Variants in ELMO1 observed in about 807,000 individuals in gnomAD.
ELMO1 encodes engulfment and cell motility protein 1.
A neutral mutation model predicts 98.9 loss-of-function variants in ELMO1; 26 were observed. That is an observed-to-expected ratio of 0.26 (90% confidence interval 0.19 to 0.36). The LOEUF (loss-of-function observed/expected upper bound fraction) is 0.36. Among genes scored for constraint, ELMO1 ranks in the 10% least tolerant of loss-of-function variants. The pLI, the probability that ELMO1 is intolerant of heterozygous loss-of-function variation, is 1.00. For synonymous variants in ELMO1, 346 were observed against 346.0 expected (o/e 1.00, Z 0.00); for missense variants, 627 against 935.2 (o/e 0.67, Z 4.30).
At chr7:37,235,495 T>G (rs963054194) in intron 7 of ELMO1, among the ~76,000 whole-genome samples, 18 of 151,102 alleles carry the variant, frequency 1.2e-4, no homozygotes, top group African/African-American at 4.3e-4. Context: ...TTAAAAGACC[T>G]CAAATGTCAA....
At chr7:37,137,241 G>C (rs899321028) in intron 13 of ELMO1, among the ~76,000 whole-genome samples, 1 of 152,146 alleles carries the variant, frequency 6.6e-6, no homozygotes, top group African/African-American at 2.4e-5. Flanking sequence ...AAATATATAT[G>C]CATCTAACAC....
intron 16 of ELMO1, among the ~76,000 whole-genome samples, chr7:36,982,732 G>GTC (rs1378491546): frequency 6.6e-6 from 1 of 152,178 alleles, no homozygotes; most frequent in Non-Finnish European, 1.5e-5. Context: ...ATCTAGATAA[G>GTC]ATGAATAGCT....
chr7:37,071,196 CAAAG>C (rs1281326599), intron 15 of ELMO1, among the ~76,000 whole-genome samples: 1 of 152,032 alleles, frequency 6.6e-6, no homozygotes, highest in Non-Finnish European at 1.5e-5. Flanking sequence ...ACAAAAGAAA[CAAAG>C]AAAACTGAAT....
chr7:36,928,179 G>A (rs963498086), intron 16 of ELMO1, among the ~76,000 whole-genome samples: 4 of 152,170 alleles, frequency 2.6e-5, no homozygotes, highest in African/African-American at 4.8e-5. Flanking sequence ...CAGGATTAAC[G>A]CCCGGATTCG....
intron 1 of ELMO1, among the ~76,000 whole-genome samples, chr7:37,367,949 G>A (rs10233634): frequency 0.17 from 26,024 of 152,028 alleles, 2,856 homozygotes; most frequent in East Asian, 0.59. Context: ...TTCTGCTATC[G>A]CCAAACAGGA....
intron 13 of ELMO1, among the ~76,000 whole-genome samples, chr7:37,146,329 G>A (rs1236644335): frequency 1.3e-5 from 2 of 152,122 alleles, no homozygotes; most frequent in Non-Finnish European, 2.9e-5. Flanking sequence ...AGGTGCTGCC[G>A]ATGGCTTCTG....
intron 13 of ELMO1, among the ~76,000 whole-genome samples, chr7:37,193,933 C>T (rs1339010294): frequency 6.6e-6 from 1 of 152,168 alleles, no homozygotes; most frequent in Admixed American, 6.5e-5. Flanking sequence ...ATGATCTCAC[C>T]CGGTGCTGCC....
chr7:37,324,463 GA>G (rs1295839804), intron 2 of ELMO1, among the ~76,000 whole-genome samples: 2 of 152,222 alleles, frequency 1.3e-5, no homozygotes, highest in African/African-American at 4.8e-5. Flanking sequence ...ATGACATGGG[GA>G]AAATGTTCAT....
chr7:37,248,896 A>T (rs1584870087), intron 6 of ELMO1, among the ~76,000 whole-genome samples: 1 of 152,244 alleles, frequency 6.6e-6, no homozygotes, highest in Non-Finnish European at 1.5e-5. Context: ...CAAAGTTTCA[A>T]AACAGAAATT....
intron 15 of ELMO1, among the ~76,000 whole-genome samples, chr7:37,090,675 G>A (rs978482109): frequency 3.9e-5 from 6 of 152,130 alleles, no homozygotes; most frequent in Admixed American, 6.6e-5. Flanking sequence ...TGAACCCCAC[G>A]TGCAGGTATC....
chr7:37,084,371 C>T (rs563678344), intron 15 of ELMO1, among the ~76,000 whole-genome samples: 1 of 152,316 alleles, frequency 6.6e-6, no homozygotes, highest in East Asian at 1.9e-4. Flanking sequence ...GCAACAAACG[C>T]TTATTAAATG....
At chr7:37,043,339 G>A (rs1468031270) in intron 15 of ELMO1, among the ~76,000 whole-genome samples, 1 of 152,164 alleles carries the variant, frequency 6.6e-6, no homozygotes, top group East Asian at 1.9e-4. Context: ...TCTTATTAAA[G>A]GCTGCCAGGC....
intron 15 of ELMO1, among the ~76,000 whole-genome samples, chr7:37,083,037 G>C (rs1296814349): frequency 2.6e-5 from 4 of 152,220 alleles, no homozygotes; most frequent in African/African-American, 9.6e-5. Flanking sequence ...TAGCTTTAGA[G>C]CTGGGGGCCA....
At chr7:37,158,396 G>A (rs2129326571) in intron 13 of ELMO1, among the ~76,000 whole-genome samples, 1 of 152,232 alleles carries the variant, frequency 6.6e-6, no homozygotes, top group African/African-American at 2.4e-5. Flanking sequence ...GAAAAATTTT[G>A]CAATCTATCC....
chr7:37,069,451 T>G (rs1385350072), intron 15 of ELMO1, among the ~76,000 whole-genome samples: 1 of 152,082 alleles, frequency 6.6e-6, no homozygotes. Flanking sequence ...AGGGGAAAAA[T>G]CCAGAACCAG....
At position 36,855,672 on chromosome 7, in the gene ELMO1, GTGTCCAGGTC is replaced by G; in HGVS notation, c.2053_2062del (p.Asp685ProfsTer57). ...GAGCTTGATTTCCATGCTGAGCAGG[GTGTCCAGGTC>G]ATTCCGCGTCAGGTCGCTCATCATG... is the stretch of plus-strand genomic sequence containing the variant. On this transcript the variant is annotated frameshift_variant, in exon 22 of 22. Transcript: ENST00000310758. LOFTEE classifies it high-confidence loss of function. This position sits in a 1 kb window ranked among gnomAD's most constrained non-coding sequence, Gnocchi z 4.2. The G allele has an allele frequency of 6.2e-7, 1 of 1,614,140 alleles. No homozygotes were observed. The highest frequency in any genetic ancestry group is 8.5e-7 in the Non-Finnish European group (1 of 1,180,002).
chr7:37,140,828 T>C (rs1016032664), intron 13 of ELMO1, among the ~76,000 whole-genome samples: 3 of 151,970 alleles, frequency 2.0e-5, no homozygotes, highest in African/African-American at 4.8e-5. Context: ...GAAACCACAA[T>C]GCAATACCAC....
intron 1 of ELMO1, among the ~76,000 whole-genome samples, chr7:37,405,756 T>C (rs1214472896): frequency 1.3e-5 from 2 of 152,106 alleles, no homozygotes; most frequent in African/African-American, 4.8e-5. Context: ...CCTCCGATAC[T>C]CCAAAGGCTT....
chr7:37,256,724 GGGGAAGGGAAGGGAAGGGAA>G lies in ELMO1; in HGVS notation c.413+2437_413+2456del, dbSNP rs147352052. Among the ~76,000 whole-genome samples the G allele has an allele frequency of 3.7e-3, 428 of 115,408 alleles. 1 individual carries two copies. Among genetic ancestry groups the G allele is most frequent in the African/African-American group, 7.4e-3 (199 of 26,928 alleles). The allele number at this position is 115,408 out of a possible 152,430, so 75.7% of individuals were successfully genotyped here. On this transcript the variant is annotated intron_variant, in intron 6 of 21. Transcript: ENST00000310758. Reference sequence around the variant, plus strand: ...GGAAGGAAGAAAGGGAGAGGGGCAGGGGGAAGGGAAGGGAAGGGAAGGGAAGGGAAGGGAAGGGAGAAGGG... The same window carrying G: ...GGAAGGAAGAAAGGGAGAGGGGCAGGGGGAAGGGAAGGGAAGGGAGAAGGG...
Sources: gnomAD v4.1 joint callset for allele counts (sites outside exome capture counted in the v4.1 genomes callset) on GRCh38, gnomAD v4.1.1 for gene constraint, Gnocchi (gnomAD v3.1) non-coding constraint, MANE v1.5 for transcripts, NCBI Gene and HGNC (gene_info 2026-07-23, HGNC 2026-07-21) for gene names.